The following RYR3 variants were observed in gnomAD, a reference collection of about 807,000 sequenced individuals.
The protein encoded by RYR3 is brain ryanodine receptor-calcium release channel.
Under a neutral mutation model 584.3 loss-of-function variants are expected in RYR3, and 207 were observed. That is an observed-to-expected ratio of 0.35 (90% confidence interval 0.32 to 0.40). The LOEUF (loss-of-function observed/expected upper bound fraction) is 0.40. RYR3 is among the 10% of genes least tolerant of loss of function. RYR3 has a pLI of 1.00. For synonymous variants in RYR3, 2,416 were observed against 2,248.5 expected (o/e 1.07, Z -2.11); for missense variants, 5,616 against 6,089.2 (o/e 0.92, Z 2.59).
chr15:33,853,182 G>T, intron 95 of RYR3, 95 bp downstream of exon 95: 1 of 1,088,008 alleles, frequency 9.2e-7, no homozygotes, highest in Non-Finnish European at 1.3e-6. Flanking sequence ...TAAATGTGAT[G>T]CTACTTTTAT....
chr15:33,794,321 ATTTTT>A (rs2075434476), intron 67 of RYR3, among the ~76,000 whole-genome samples: 432 of 135,262 alleles, frequency 3.2e-3, no homozygotes, highest in East Asian at 4.4e-3. Context: ...ATATATATAT[ATTTTT>A]ATATATGTTT....
intron 1 of RYR3, among the ~76,000 whole-genome samples, chr15:33,471,043 C>T (rs1596284386): frequency 6.6e-6 from 1 of 152,204 alleles, no homozygotes; most frequent in South Asian, 2.1e-4. Context: ...GTTGAATTAA[C>T]TCATCTCATA....
Position 33,750,249 on chromosome 15 carries a change from T to A in RYR3, c.8362T>A (p.Phe2788Ile), listed in dbSNP as rs1185717169. 5 of 1,610,666 alleles carry A rather than the reference T, an allele frequency of 3.1e-6. No individual in the cohort carries two copies. In the African/African-American group the frequency reaches 4.0e-5, roughly 13 times the overall value. ...GGACCGGGAGAAGGCACAGGACCTG[T>A]TTAAGTTCCTCCAAGTGAATGGCAT... ...FKDREKAQDL[F>I]KFLQVNGIIV... Residue 2788 changes from phenylalanine (F) to isoleucine (I), a missense_variant, in exon 57 of 104, where the codon TTT (phenylalanine) becomes ATT (isoleucine). By Grantham distance (21) the Phe-to-Ile change is conservative. Around this residue, in one of 9 missense-constraint regions of RYR3, gnomAD observed 1,280 missense variants for 1,426.2 expected, o/e 0.90. Transcript: ENST00000634891.
intron 38 of RYR3, among the ~76,000 whole-genome samples, chr15:33,683,290 A>G (rs1296797490): frequency 1.3e-5 from 2 of 151,254 alleles, no homozygotes; most frequent in Non-Finnish European, 3.0e-5. Context: ...CACCGCGCCC[A>G]GCCGAGAGTC....
At chr15:33,539,878 C>T (rs1470873589) in intron 6 of RYR3, among the ~76,000 whole-genome samples, 1 of 151,976 alleles carries the variant, frequency 6.6e-6, no homozygotes, top group Non-Finnish European at 1.5e-5. Context: ...AGATCTTCAT[C>T]CTTGTCATCT....
At chr15:33,606,434 C>G (rs376274501) in intron 18 of RYR3, among the ~76,000 whole-genome samples, 4 of 152,292 alleles carry the variant, frequency 2.6e-5, no homozygotes, top group South Asian at 2.1e-4. Flanking sequence ...TAAAGAACCC[C>G]CATTCCATGC....
At chr15:33,770,327 A>G (rs1304017866) in intron 62 of RYR3, among the ~76,000 whole-genome samples, 1 of 152,214 alleles carries the variant, frequency 6.6e-6, no homozygotes, top group East Asian at 1.9e-4. Flanking sequence ...TTACTCCAAG[A>G]AACTTGGGAA....
intron 1 of RYR3, among the ~76,000 whole-genome samples, chr15:33,328,754 C>T (rs1970038329): frequency 6.6e-6 from 1 of 152,096 alleles, no homozygotes; most frequent in African/African-American, 2.4e-5. Flanking sequence ...TAAGCCCAGA[C>T]CTCGCATTTA....
chr15:33,613,492 C>T (rs1051518865), intron 19 of RYR3, 117 bp downstream of exon 19: 1 of 1,067,786 alleles, frequency 9.4e-7, no homozygotes, highest in African/African-American at 1.6e-5. Context: ...CTAAGTTCCC[C>T]AGGACAGTGA....
Position 33,831,057 on chromosome 15 carries a change from A to C in RYR3, c.11429A>C (p.Lys3810Thr). Residue 3810 changes from lysine (K) to threonine (T), a missense_variant, in exon 86 of 104, where the codon AAG (lysine) becomes ACG (threonine). Physicochemically the swap from Lys to Thr is moderately conservative, Grantham distance 78. This residue lies in a region of RYR3 where 954 missense variants were observed against 1,132.2 expected (regional missense o/e 0.84). Coordinates refer to ENST00000634891, the MANE Select transcript of RYR3 (RefSeq NM_001036.6). ...HNFSKALAVT[K>T]QIFNSLTEYI... is the part of the protein sequence containing the mutation. ...TTTTCCAAAGCTCTGGCAGTCACCA[A>C]GCAGATTTTCAATTCTCTTACAGAA... is the stretch of plus-strand genomic sequence containing the variant. 6.2e-7 allele frequency: 1 copy of C among 1,613,778 alleles called. No individual in the cohort carries two copies. Among genetic ancestry groups the C allele is most frequent in the South Asian group, 1.1e-5 (1 of 91,080 alleles).
At chr15:33,732,405 G>A (rs115833392) in intron 48 of RYR3, among the ~76,000 whole-genome samples, 1,548 of 140,312 alleles carry the variant, frequency 0.011, 25 homozygotes, top group Middle Eastern at 0.04. Context: ...AAAAAAAAGC[G>A]ACCTACCTCT....
chr15:33,645,060 T>C (rs936805948), intron 28 of RYR3, among the ~76,000 whole-genome samples: 4 of 152,048 alleles, frequency 2.6e-5, no homozygotes, highest in Non-Finnish European at 5.9e-5. Context: ...TCCATACCTA[T>C]ATTCAAGATT....
At chr15:33,411,896 T>A (rs1450743664) in intron 1 of RYR3, among the ~76,000 whole-genome samples, 1 of 152,216 alleles carries the variant, frequency 6.6e-6, no homozygotes. Flanking sequence ...GGGTCTAGCC[T>A]ATCTTTCCTG....
chr15:33,680,512 C>T (rs1018855642), intron 38 of RYR3, among the ~76,000 whole-genome samples: 1 of 152,188 alleles, frequency 6.6e-6, no homozygotes, highest in Admixed American at 6.5e-5. Context: ...CATATCCGTG[C>T]ACTACAGTGT....
intron 34 of RYR3, 66 bp downstream of exon 34, chr15:33,660,489 C>T: frequency 1.8e-6 from 2 of 1,123,290 alleles, no homozygotes; most frequent in South Asian, 1.6e-5. Flanking sequence ...CCAAGCCAGC[C>T]CAGAAGGAAA....
rs376054671 is a variant in RYR3, at chr15:33,659,700, C to T, written c.4309-20C>T. 1.5e-5 allele frequency: 23 copies of T among 1,557,660 alleles called. No homozygotes were observed. The highest frequency in any genetic ancestry group is 6.7e-5 in the Admixed American group (4 of 59,842). ...TTTGTCCAGCTCTGGGCAAAGCTTT[C>T]GATTTGTTTTGATTTCCAGGTGGAG... On this transcript the variant is annotated intron_variant, in intron 32 of 103. Coordinates refer to ENST00000634891, the MANE Select transcript of RYR3 (RefSeq NM_001036.6).
chr15:33,742,337 G>A lies in RYR3; in HGVS notation c.7821-29G>A, dbSNP rs765978486. ...TATGTCTGGCTGAAGTGCTTGGGGAGGTTGTAATTTTTTTTCCTCATTTCA... is the reference window on the plus strand; with the variant it reads ...TATGTCTGGCTGAAGTGCTTGGGGAAGTTGTAATTTTTTTTCCTCATTTCA... On this transcript the variant is annotated intron_variant, in intron 51 of 103. Coordinates refer to ENST00000634891, the MANE Select transcript of RYR3 (RefSeq NM_001036.6). 9.1e-6 allele frequency: 13 copies of A among 1,435,786 alleles called. No homozygotes were observed. The South Asian group carries it at 1.5e-4, about 16-fold the overall frequency. 88.9% of individuals were successfully genotyped at this position (1,435,786 alleles called of 1,614,324 possible).
At position 33,582,661 on chromosome 15, in the gene RYR3, T is replaced by A. The variant is rs146851628; in HGVS notation, c.1573+1018T>A. 1.9e-3 allele frequency among the ~76,000 whole-genome samples: 296 copies of A among 152,322 alleles called. 1 individual carries two copies. The highest frequency in any genetic ancestry group is 6.9e-3 in the African/African-American group (288 of 41,580). Reference sequence around the variant, plus strand: ...TGAAACTGACGTACATAGATGCTCATAACCCAAGGTTACACATCTAGTAAC... The same window carrying A: ...TGAAACTGACGTACATAGATGCTCAAAACCCAAGGTTACACATCTAGTAAC... On this transcript the variant is annotated intron_variant, in intron 14 of 103. Coordinates refer to ENST00000634891, the MANE Select transcript of RYR3 (RefSeq NM_001036.6).
At chr15:33,825,717 T>G (rs1233247187) in intron 82 of RYR3, 41 bp downstream of exon 82, 2 of 1,007,230 alleles carry the variant, frequency 2.0e-6, no homozygotes, top group East Asian at 4.9e-5. Context: ...TCTTCCTGAT[T>G]AAAATCTTTT....
Sources: gnomAD v4.1 joint callset for allele counts (sites outside exome capture counted in the v4.1 genomes callset) on GRCh38, gnomAD v4.1.1 for gene constraint, gnomAD v4.1.1 regional missense constraint, MANE v1.5 for transcripts, NCBI Gene and HGNC (gene_info 2026-07-23, HGNC 2026-07-21) for gene names.